USP36: variants seen among roughly 807,000 people sequenced by gnomAD.
The protein encoded by USP36 is ubiquitin specific peptidase 36.
A neutral mutation model predicts 111.5 loss-of-function variants in USP36; 59 were observed. That is an observed-to-expected ratio of 0.53 (90% CI 0.43 to 0.66). USP36 has a LOEUF of 0.66. USP36 is among the 30% of genes least tolerant of loss of function. USP36 has a pLI of 0.00. For synonymous variants in USP36, 628 were observed against 581.0 expected, an observed-to-expected ratio of 1.08 and a Z score of -1.16; for missense variants, 1,488 against 1,468.0, an observed-to-expected ratio of 1.01 and a Z score of -0.22.
At chr17:78,815,965 T>C (rs912395740) in intron 10 of USP36, among the ~76,000 whole-genome samples, 5 of 151,812 alleles carry the variant, frequency 3.3e-5, no homozygotes, top group South Asian at 2.1e-4. Flanking sequence ...CACATATACA[T>C]ACACACACAT....
At chr17:78,829,057 C>T (rs1293797910) in intron 4 of USP36, 50 bp from the exon 5 acceptor site, 2 of 1,547,808 alleles carry the variant, frequency 1.3e-6, no homozygotes, top group Non-Finnish European at 1.8e-6. Flanking sequence ...TTTCAAAGAA[C>T]TCACGGTGAG....
intron 10 of USP36, among the ~76,000 whole-genome samples, chr17:78,815,871 G>A (rs117897648): frequency 2.6e-4 from 40 of 151,574 alleles, no homozygotes; most frequent in East Asian, 7.7e-4. Context: ...ACACATGTAC[G>A]CATATACATA....
chr17:78,802,896 C>T (rs1013931599), intron 16 of USP36, among the ~76,000 whole-genome samples: 6 of 152,118 alleles, frequency 3.9e-5, no homozygotes, highest in Non-Finnish European at 7.4e-5. Flanking sequence ...ACACCACTGT[C>T]GCTTCAAGGA....
intron 13 of USP36, among the ~76,000 whole-genome samples, chr17:78,809,643 G>GT (rs1599012042): frequency 6.6e-6 from 1 of 152,052 alleles, no homozygotes; most frequent in Non-Finnish European, 1.5e-5. Context: ...TTTTTCTGGG[G>GT]TTTTTTGAGA....
At position 78,819,929 on chromosome 17, in the gene USP36, C is replaced by G; in HGVS notation, c.911+1G>C. On this transcript the variant is annotated splice_donor_variant, in intron 9 of 20. Transcript: ENST00000449938. LOFTEE classifies it high-confidence loss of function. ...TCTGCCACAAGCAACGTGAAACTTACTTAGCACACATGTAGGCATTCTCTC... is the reference window on the plus strand; with the variant it reads ...TCTGCCACAAGCAACGTGAAACTTAGTTAGCACACATGTAGGCATTCTCTC... 6.2e-7 allele frequency: 1 copy of G among 1,613,928 alleles called. No homozygotes were observed. The highest frequency in any genetic ancestry group is 8.5e-7 in the Non-Finnish European group (1 of 1,179,938).
Position 78,803,508 on chromosome 17 carries a change from A to G in USP36, c.2687T>C (p.Val896Ala). The G allele has an allele frequency of 6.2e-7, 1 of 1,612,988 alleles. No individual in the cohort carries two copies. The highest frequency in any genetic ancestry group is 8.5e-7 in the Non-Finnish European group (1 of 1,179,818). The part of the protein sequence containing the change: ...RRQEDGTQPQ[V>A]NGQQVGCVTD... ...AACACATCCCACCTGCTGGCCATTC[A>G]CCTGTGGCTGTGTGCCATCTTCCTG... Residue 896 changes from valine to alanine, a missense_variant, in exon 16 of 21, where the codon GTG becomes GCG. Transcript: ENST00000449938. This position sits in a 1 kb window ranked among gnomAD's most constrained non-coding sequence, Gnocchi z 4.6.
chr17:78,819,862 A>G, intron 9 of USP36, 68 bp downstream of exon 9: 1 of 1,524,412 alleles, frequency 6.6e-7, no homozygotes, highest in South Asian at 1.1e-5. Flanking sequence ...TGGGCACAAC[A>G]CTGTCAGGTG....
At chr17:78,822,599 C>A (rs544130588) in intron 6 of USP36, among the ~76,000 whole-genome samples, 1 of 152,198 alleles carries the variant, frequency 6.6e-6, no homozygotes, top group African/African-American at 2.4e-5. Context: ...TCCCCCGCAC[C>A]GCTCACTAAC....
chr17:78,841,148 G>C (rs1362375471), upstream of USP36: 1 of 152,226 alleles, frequency 6.6e-6, no homozygotes, highest in Admixed American at 6.5e-5. Context: ...CGCCTGAAGT[G>C]TGACAGTGGC....
intron 6 of USP36, chr17:78,822,970 C>T: frequency 2.5e-6 from 1 of 396,388 alleles, no homozygotes; most frequent in Non-Finnish European, 4.4e-6. Context: ...CCCGACTCCT[C>T]ACTGGCACAA....
At chr17:78,831,496 C>A (rs2145586317) in intron 4 of USP36, among the ~76,000 whole-genome samples, 1 of 151,776 alleles carries the variant, frequency 6.6e-6, no homozygotes. Flanking sequence ...ACCTGTAATC[C>A]CAGCTACTTG....
chr17:78,802,673 C>T (rs1397864203), intron 16 of USP36, 138 bp from the exon 17 acceptor site: 2 of 814,270 alleles, frequency 2.5e-6, no homozygotes, highest in South Asian at 3.6e-5. Context: ...CAACATTCTT[C>T]CCCCCACACG....
chr17:78,827,559 C>T (rs1599080884), intron 5 of USP36, among the ~76,000 whole-genome samples: 1 of 152,288 alleles, frequency 6.6e-6, no homozygotes. Context: ...AGATTGCAGG[C>T]TTGAGCATTC....
chr17:78,799,877 C>CTTTTTTTT (rs549964435), intron 17 of USP36, 109 bp from the exon 18 acceptor site: 9 of 155,596 alleles, frequency 5.8e-5, no homozygotes, highest in Middle Eastern at 1.8e-3. Flanking sequence ...GGATGCTTGC[C>CTTTTTTTT]TTTTTTTTTT....
intron 15 of USP36, among the ~76,000 whole-genome samples, chr17:78,804,910 C>G (rs1265116531): frequency 6.6e-6 from 1 of 152,128 alleles, no homozygotes; most frequent in African/African-American, 2.4e-5. Context: ...TGTTCCCGGG[C>G]AGGAAATGAG....
At position 78,798,114 on chromosome 17, in the gene USP36, G is replaced by A; in HGVS notation, c.*21-235C>T. On this transcript the variant is annotated intron_variant, in intron 20 of 20. Coordinates refer to ENST00000449938, the MANE Select transcript of USP36 (RefSeq NM_001385174.1). The surrounding 1 kb of genome is among the most constrained non-coding windows in gnomAD (Gnocchi z 5.1). ...AGTGACCAGAACACATGCCACAGAT[G>A]CCAGGTGTACACACCCCACACCCAA... 1 of 376,174 alleles carries A rather than the reference G, an allele frequency of 2.7e-6. No individual in the cohort carries two copies. The highest frequency in any genetic ancestry group is 4.9e-6 in the Non-Finnish European group (1 of 204,530). The allele number at this position is 376,174 out of a possible 1,614,324, so 23.3% of individuals were successfully genotyped here.
rs2094280119 is a variant in USP36 at position 78,819,984 on chromosome 17, TC to T, written c.856del (p.Glu286AsnfsTer4). On this transcript the variant is annotated frameshift_variant, in exon 9 of 21. Coordinates refer to ENST00000449938, the MANE Select transcript of USP36 (RefSeq NM_001385174.1). LOFTEE classifies it high-confidence loss of function. ...RQAANIVRALELFVKADVLSG... is the reference protein window; with the variant it reads ...RQAANIVRALXLFVKADVLSG... ...CAGGACATCTGCTTTCACAAAAAGT[TC>T]CAGAGCACGCACAATATTCGCAGCT... is the stretch of plus-strand genomic sequence containing the variant. The T allele has an allele frequency of 6.2e-7, 1 of 1,614,144 alleles. No homozygotes were observed. The highest frequency in any genetic ancestry group is 8.5e-7 in the Non-Finnish European group (1 of 1,180,016).
chr17:78,831,388 G>A (rs1234606941), intron 4 of USP36, among the ~76,000 whole-genome samples: 2 of 151,918 alleles, frequency 1.3e-5, no homozygotes, highest in Non-Finnish European at 2.9e-5. Context: ...TGAGGCGGGT[G>A]GAACACGTGA....
At chr17:78,799,856 T>A in intron 17 of USP36, 88 bp from the exon 18 acceptor site, 1 of 604,762 alleles carries the variant, frequency 1.7e-6, no homozygotes, top group Non-Finnish European at 2.7e-6. Context: ...ATAAAACAAC[T>A]TACAGTAAGT....
Sources: gnomAD v4.1 joint callset for allele counts (sites outside exome capture counted in the v4.1 genomes callset) on GRCh38, gnomAD v4.1.1 for gene constraint, Gnocchi (gnomAD v3.1) non-coding constraint, MANE v1.5 for transcripts, NCBI Gene and HGNC (gene_info 2026-07-23, HGNC 2026-07-21) for gene names.